Variants in TG observed in about 807,000 individuals in gnomAD.
TG encodes the protein thyroid hormones.
A neutral mutation model predicts 324.7 loss-of-function variants in TG; 270 were observed. The observed-to-expected ratio is 0.83, with a 90% CI of 0.75 to 0.92. The LOEUF (loss-of-function observed/expected upper bound fraction) is 0.92. Ranked by LOEUF, TG falls within the 40% of genes least tolerant of loss-of-function variation. TG has a pLI of 0.00. For synonymous variants in TG, 1,401 were observed against 1,327.0 expected (o/e 1.06, Z -1.21); for missense variants, 3,591 against 3,456.4 (o/e 1.04, Z -0.98).
intron 27 of TG, among the ~76,000 whole-genome samples, chr8:132,954,886 C>T (rs2739076): frequency 6.6e-6 from 1 of 151,826 alleles, no homozygotes; most frequent in African/African-American, 2.4e-5. Flanking sequence ...ATCTGCTTCA[C>T]TCTGGGAAGT....
chr8:133,080,313 A>G (rs145877426), intron 41 of TG, among the ~76,000 whole-genome samples: 2 of 152,290 alleles, frequency 1.3e-5, no homozygotes, highest in East Asian at 1.9e-4. Flanking sequence ...CACTCACTCT[A>G]TGTATCTAGA....
chr8:133,090,230 A>G (rs1170765599), intron 41 of TG: 4 of 152,256 alleles, frequency 2.6e-5, no homozygotes, highest in Admixed American at 2.6e-4. Context: ...TCACGTTTCT[A>G]GAGGCCCAGT....
chr8:133,030,880 G>C (rs1340136372), intron 41 of TG, among the ~76,000 whole-genome samples: 3 of 152,208 alleles, frequency 2.0e-5, no homozygotes, highest in Non-Finnish European at 4.4e-5. Context: ...AGCCCTGGTG[G>C]GGCAGCAGTG....
At position 132,972,617 on chromosome 8, in the gene TG, C is replaced by T; in HGVS notation, c.6075C>T (p.Leu2025=). The change falls in exon 34 of 48, where the codon CTC becomes CTT. Residue 2025 remains leucine, a synonymous_variant. Coordinates refer to ENST00000220616, the MANE Select transcript of TG (RefSeq NM_003235.5). ...SQLKGGEVTC[L]TLNSLGIQMC... ...CCCCAGGAGGAGAGGTGACATGTCT[C>T]ACTCTGAACAGCTTGGGAATTCAGA... is the stretch of plus-strand genomic sequence containing the variant. The T allele has an allele frequency of 6.3e-7, 1 of 1,584,066 alleles. No individual in the cohort carries two copies. The highest frequency in any genetic ancestry group is 2.2e-5 in the East Asian group (1 of 44,554).
chr8:133,056,460 C>T (rs926428974), intron 41 of TG, among the ~76,000 whole-genome samples: 6 of 152,288 alleles, frequency 3.9e-5, no homozygotes, highest in South Asian at 2.1e-4. Flanking sequence ...TCATTCGAGA[C>T]GAGCCCATCC....
At chr8:133,115,006 T>A (rs896647490) in intron 44 of TG, among the ~76,000 whole-genome samples, 1 of 152,190 alleles carries the variant, frequency 6.6e-6, no homozygotes, top group African/African-American at 2.4e-5. Flanking sequence ...TGGGAGGCCT[T>A]GCCCTGGGCT....
chr8:132,955,535 G>C (rs1395111624), intron 27 of TG, among the ~76,000 whole-genome samples: 1 of 152,176 alleles, frequency 6.6e-6, no homozygotes, highest in East Asian at 1.9e-4. Context: ...TGCCAGCATA[G>C]GAGTGACACT....
chr8:133,026,727 C>T (rs1332492072), intron 40 of TG, among the ~76,000 whole-genome samples: 3 of 152,142 alleles, frequency 2.0e-5, no homozygotes, highest in Non-Finnish European at 2.9e-5. Flanking sequence ...CTGGGACACT[C>T]GGAGGCCTAC....
At position 132,967,110 on chromosome 8, in the gene TG, G is replaced by GATCC. The variant is rs58544413; in HGVS notation, c.5686+455_5686+458dup. ...TTGCATCCCATCCATCCATCCATTC[G>GATCC]ATCCATCCATCCATCCATCCATCCA... On this transcript the variant is annotated intron_variant, in intron 30 of 47. Coordinates refer to ENST00000220616, the MANE Select transcript of TG (RefSeq NM_003235.5). Among the ~76,000 whole-genome samples the GATCC allele has an allele frequency of 9.5e-3, 1,227 of 129,276 alleles. 7 individuals carry two copies. The highest frequency in any genetic ancestry group is 0.012 in the Admixed American group (156 of 12,804). 84.8% of individuals were successfully genotyped at this position (129,276 alleles called of 152,430 possible).
At chr8:132,946,351 G>A (rs1164572115) in intron 26 of TG, among the ~76,000 whole-genome samples, 1 of 152,022 alleles carries the variant, frequency 6.6e-6, no homozygotes, top group Non-Finnish European at 1.5e-5. Flanking sequence ...TTCCCTCCAA[G>A]TTTAACCTGT....
Position 132,882,904 on chromosome 8 carries a change from C to T in TG, c.980C>T (p.Ala327Val), listed in dbSNP as rs149297140. 3.0e-5 allele frequency: 49 copies of T among 1,614,084 alleles called. No homozygotes were observed. The highest frequency in any genetic ancestry group is 1.6e-4 in the African/African-American group (12 of 74,926). ...PSCRRNGDYQ[A>V]VQCQTEGPCW... ...TGCCGCCGAAATGGCGACTATCAGG[C>T]GGTGCAGTGCCAGACGGAAGGGCCC... Residue 327 changes from alanine to valine, a missense_variant, in exon 8 of 48, where the codon GCG (alanine) becomes GTG (valine). Ala to Val is a moderately conservative substitution (Grantham distance 64, BLOSUM62 0). Coordinates refer to ENST00000220616, the MANE Select transcript of TG (RefSeq NM_003235.5).
chr8:132,918,753 G>A (rs1209912153), intron 20 of TG, among the ~76,000 whole-genome samples: 1 of 152,188 alleles, frequency 6.6e-6, no homozygotes, highest in Non-Finnish European at 1.5e-5. Context: ...CTTATATGGA[G>A]ATGATAACTT....
chr8:132,908,314 A>C lies in TG; in HGVS notation c.3976A>C (p.Thr1326Pro). 3 of 1,583,536 alleles carry C rather than the reference A, an allele frequency of 1.9e-6. No individual in the cohort carries two copies. Among genetic ancestry groups the C allele is most frequent in the Non-Finnish European group, 2.6e-6 (3 of 1,162,702 alleles). The change falls in exon 18 of 48, where the codon ACA becomes CCA. Residue 1326 changes from threonine to proline, a missense_variant. By Grantham distance (38) the Thr-to-Pro change is conservative. Coordinates refer to ENST00000220616, the MANE Select transcript of TG (RefSeq NM_003235.5). ...CCAGGTTTTCATATTGGATGAGCTGACAGCCCGCGGCTTCTGCCAGATCCA... is the reference window on the plus strand; with the variant it reads ...CCAGGTTTTCATATTGGATGAGCTGCCAGCCCGCGGCTTCTGCCAGATCCA... ...TFQVFILDEL[T>P]ARGFCQIQVK...
intron 28 of TG, among the ~76,000 whole-genome samples, chr8:132,962,698 C>T (rs1827930567): frequency 6.6e-6 from 1 of 152,148 alleles, no homozygotes. Context: ...TTGTTCCCTA[C>T]CTACACAGGG....
chr8:133,094,089 A>G (rs9297865), intron 41 of TG, among the ~76,000 whole-genome samples: 104,075 of 151,512 alleles, frequency 0.69, 36,249 homozygotes, highest in Non-Finnish European at 0.75. Context: ...TAGCGGATGC[A>G]CCCTGGAACT....
At chr8:132,888,664 T>C in intron 10 of TG, 96 bp downstream of exon 10, 1 of 1,294,524 alleles carries the variant, frequency 7.7e-7, no homozygotes, top group South Asian at 1.5e-5. Flanking sequence ...AGTGGGAGGG[T>C]ATTGAGTGTC....
intron 11 of TG, among the ~76,000 whole-genome samples, chr8:132,894,966 A>G (rs1362824159): frequency 6.6e-6 from 1 of 152,186 alleles, no homozygotes; most frequent in Non-Finnish European, 1.5e-5. Flanking sequence ...CCTGGATGGG[A>G]AGCCCAGAGA....
chr8:133,094,028 T>TA (rs746937527), intron 41 of TG, among the ~76,000 whole-genome samples: 26 of 152,080 alleles, frequency 1.7e-4, no homozygotes, highest in Non-Finnish European at 3.1e-4. Context: ...CTCCCCTGGT[T>TA]ACCCATGACT....
At chr8:133,079,040 C>T (rs2739166) in intron 41 of TG, among the ~76,000 whole-genome samples, 70,312 of 151,956 alleles carry the variant, frequency 0.46, 16,684 homozygotes, top group African/African-American at 0.53. Flanking sequence ...GGGACCACAT[C>T]AGATTCCATC....
Sources: gnomAD v4.1 joint callset for allele counts (sites outside exome capture counted in the v4.1 genomes callset) on GRCh38, gnomAD v4.1.1 for gene constraint, MANE v1.5 for transcripts, NCBI Gene and HGNC (gene_info 2026-07-23, HGNC 2026-07-21) for gene names.